Variants in FANCC observed in about 807,000 individuals in gnomAD.
The protein encoded by FANCC is FA complementation group C.
Under a neutral mutation model 71.3 loss-of-function variants are expected in FANCC, and 55 were observed. That is an observed-to-expected ratio of 0.77 (90% confidence interval 0.62 to 0.97). The LOEUF (loss-of-function observed/expected upper bound fraction) is 0.97, where lower values mean the gene tolerates loss of function less well. Ranked by LOEUF, FANCC falls within the 50% of genes least tolerant of loss-of-function variation. FANCC has a pLI of 0.00. For missense variants in FANCC, 678 were observed against 670.9 expected (o/e 1.01, Z -0.12); for synonymous variants, 275 against 244.9 (o/e 1.12, Z -1.15).
At chr9:95,169,652 T>G (rs941946841) in intron 6 of FANCC, among the ~76,000 whole-genome samples, 1 of 152,224 alleles carries the variant, frequency 6.6e-6, no homozygotes, top group Non-Finnish European at 1.5e-5. Flanking sequence ...ATGAAACAGA[T>G]TGTTTAATCA....
At chr9:95,220,793 A>C (rs567870394) in intron 4 of FANCC, among the ~76,000 whole-genome samples, 129 of 152,252 alleles carry the variant, frequency 8.5e-4, no homozygotes, top group African/African-American at 2.9e-3. Context: ...GGTGCAGCAC[A>C]CCAACATGGC....
At chr9:95,104,511 A>G (rs911560144) in intron 14 of FANCC, among the ~76,000 whole-genome samples, 5 of 152,104 alleles carry the variant, frequency 3.3e-5, no homozygotes, top group African/African-American at 1.2e-4. Context: ...GTCAGGAGGG[A>G]CTGCCCCACA....
chr9:95,283,230 T>C (rs1588413673), intron 1 of FANCC, among the ~76,000 whole-genome samples: 2 of 152,194 alleles, frequency 1.3e-5, no homozygotes, highest in African/African-American at 2.4e-5. Context: ...TACAGGTGCA[T>C]GTCACCACAC....
At chr9:95,107,910 A>G (rs2071585181) in intron 13 of FANCC, among the ~76,000 whole-genome samples, 1 of 152,248 alleles carries the variant, frequency 6.6e-6, no homozygotes. Flanking sequence ...ATAAGTCTGC[A>G]GGTTGCTTTT....
intron 4 of FANCC, among the ~76,000 whole-genome samples, chr9:95,199,610 G>A (rs1413067822): frequency 1.3e-5 from 2 of 152,178 alleles, no homozygotes; most frequent in Non-Finnish European, 2.9e-5. Context: ...TGTGTGCCCA[G>A]CACAGCACAG....
chr9:95,180,339 CTTTTTTTTTTT>C (rs34697587), intron 4 of FANCC, among the ~76,000 whole-genome samples: 10 of 82,162 alleles, frequency 1.2e-4, no homozygotes, highest in East Asian at 4.2e-4. Context: ...ACAGTTAACT[CTTTTTTTTTTT>C]TTTTTTTTTT....
intron 4 of FANCC, among the ~76,000 whole-genome samples, chr9:95,177,651 T>C (rs1241558113): frequency 1.3e-5 from 2 of 152,234 alleles, no homozygotes; most frequent in African/African-American, 4.8e-5. Flanking sequence ...TAAGCTTTTC[T>C]ATTTTAATTT....
chr9:95,298,534 T>C (rs1013192705), intron 1 of FANCC, among the ~76,000 whole-genome samples: 1 of 152,042 alleles, frequency 6.6e-6, no homozygotes, highest in African/African-American at 2.4e-5. Context: ...CCAGGGAGGA[T>C]GAGAAAAGGT....
At chr9:95,263,901 G>C (rs1034966950) in intron 1 of FANCC, among the ~76,000 whole-genome samples, 2 of 152,102 alleles carry the variant, frequency 1.3e-5, no homozygotes, top group Admixed American at 1.3e-4. Context: ...CATGAGAACT[G>C]AACTTCAACA....
intron 1 of FANCC, among the ~76,000 whole-genome samples, chr9:95,290,927 C>T (rs190424916): frequency 3.9e-5 from 6 of 152,234 alleles, no homozygotes; most frequent in African/African-American, 9.6e-5. Context: ...ATTCAACATA[C>T]GCCAATCTAT....
At chr9:95,300,111 A>G (rs1180446082) in intron 1 of FANCC, among the ~76,000 whole-genome samples, 1 of 152,224 alleles carries the variant, frequency 6.6e-6, no homozygotes, top group African/African-American at 2.4e-5. Context: ...GGAATAAAAA[A>G]GGAAATAAGT....
At chr9:95,102,207 C>T (rs1176161507) in intron 14 of FANCC, among the ~76,000 whole-genome samples, 1 of 152,202 alleles carries the variant, frequency 6.6e-6, no homozygotes. Context: ...GGAACAAAGG[C>T]AAATGAGCAT....
At chr9:95,200,598 T>A (rs961419917) in intron 4 of FANCC, among the ~76,000 whole-genome samples, 34 of 152,190 alleles carry the variant, frequency 2.2e-4, no homozygotes, top group African/African-American at 8.0e-4. Context: ...GGCAAATGCC[T>A]TACATTTCTC....
intron 4 of FANCC, among the ~76,000 whole-genome samples, chr9:95,222,841 A>G (rs1000597948): frequency 2.6e-5 from 4 of 152,170 alleles, no homozygotes; most frequent in Non-Finnish European, 5.9e-5. Flanking sequence ...AACTGTTATC[A>G]TTTTGTATAA....
chr9:95,151,747 G>A (rs1830179362), intron 6 of FANCC, among the ~76,000 whole-genome samples: 2 of 151,996 alleles, frequency 1.3e-5, no homozygotes, highest in Middle Eastern at 3.2e-3. Context: ...AGGTAACATG[G>A]AGAAACCCCA....
intron 6 of FANCC, among the ~76,000 whole-genome samples, chr9:95,164,963 C>T (rs1729013934): frequency 6.6e-6 from 1 of 152,078 alleles, no homozygotes. Flanking sequence ...AATCTCTTTA[C>T]TAGTTGTAGG....
intron 6 of FANCC, among the ~76,000 whole-genome samples, chr9:95,158,601 C>T (rs1830572331): frequency 1.3e-5 from 2 of 152,008 alleles, no homozygotes; most frequent in African/African-American, 4.8e-5. Flanking sequence ...AATTCATCAA[C>T]AAAAATAAAA....
At chr9:95,179,859 G>C (rs1236950665) in intron 4 of FANCC, among the ~76,000 whole-genome samples, 1 of 152,098 alleles carries the variant, frequency 6.6e-6, no homozygotes, top group East Asian at 1.9e-4. Flanking sequence ...ACACCATTTT[G>C]TTTATTTTGT....
intron 1 of FANCC, among the ~76,000 whole-genome samples, chr9:95,288,962 G>A (rs368718992): frequency 2.0e-5 from 3 of 152,096 alleles, no homozygotes; most frequent in East Asian, 3.9e-4. Flanking sequence ...TTAGCCAGGT[G>A]TGGTGACACA....
Sources: gnomAD v4.1 joint callset for allele counts (sites outside exome capture counted in the v4.1 genomes callset) on GRCh38, gnomAD v4.1.1 for gene constraint, MANE v1.5 for transcripts, NCBI Gene and HGNC (gene_info 2026-07-23, HGNC 2026-07-21) for gene names.